Variants in KCNT1 observed in about 807,000 individuals in gnomAD.
KCNT1 encodes potassium channel subfamily T member 1.
In KCNT1, 78 loss-of-function variants were observed where a neutral mutation model predicts 147.8. The observed-to-expected ratio is 0.53, with a 90% CI of 0.44 to 0.64. KCNT1 has a LOEUF of 0.64. Ranked by LOEUF, KCNT1 falls within the 30% of genes least tolerant of loss-of-function variation. The pLI is 0.00. For missense variants in KCNT1, 1,419 were observed against 1,750.3 expected (o/e 0.81, Z 3.38); for synonymous variants, 867 against 748.8 (o/e 1.16, Z -2.58).
chr9:135,777,399 T>A lies in KCNT1; in HGVS notation c.2411T>A (p.Ile804Asn). The change falls in exon 21 of 31, where the codon ATC (isoleucine) becomes AAC (asparagine). Residue 804 changes from isoleucine to asparagine, a missense_variant. Around this residue, in one of 5 missense-constraint regions of KCNT1, gnomAD observed 247 missense variants for 397.1 expected, o/e 0.62. Transcript: ENST00000371757. ...KAYGFKNKLIIVSAETAGNGL... is the reference protein window; with the variant it reads ...KAYGFKNKLINVSAETAGNGL... ...TACGGGTTCAAGAACAAGCTGATCA[T>A]CGTCTCGGCAGAGACGGCCGGCAAT... is the stretch of plus-strand genomic sequence containing the variant. The A allele has an allele frequency of 6.2e-7, 1 of 1,614,070 alleles. No individual in the cohort carries two copies. Among genetic ancestry groups the A allele is most frequent in the Non-Finnish European group, 8.5e-7 (1 of 1,179,958 alleles).
At chr9:135,758,073 G>A (rs13290960) in intron 9 of KCNT1, among the ~76,000 whole-genome samples, 5 of 145,328 alleles carry the variant, frequency 3.4e-5, no homozygotes, top group South Asian at 2.3e-4. Context: ...GGGCCTCAGC[G>A]GAGACGCAGG....
At chr9:135,777,653 A>C in intron 21 of KCNT1, 143 bp downstream of exon 21, 1 of 763,750 alleles carries the variant, frequency 1.3e-6, no homozygotes, top group Non-Finnish European at 2.1e-6. Flanking sequence ...CAGCTTTCCT[A>C]AAAAGGGGGA....
At chr9:135,732,024 A>AGAGAGGGAGG (rs1554766188) in intron 2 of KCNT1, among the ~76,000 whole-genome samples, 5 of 65,082 alleles carry the variant, frequency 7.7e-5, no homozygotes, top group African/African-American at 1.6e-4. Flanking sequence ...AGAGAGAGAG[A>AGAGAGGGAGG]GAGAGAGAGA....
chr9:135,733,624 C>T (rs1830218682), intron 2 of KCNT1, among the ~76,000 whole-genome samples: 1 of 131,362 alleles, frequency 7.6e-6, no homozygotes, highest in Admixed American at 7.9e-5. Flanking sequence ...GCCCTCACAT[C>T]TGTAAATGTC....
chr9:135,704,102 C>T (rs985845267), intron 1 of KCNT1, among the ~76,000 whole-genome samples: 1 of 152,246 alleles, frequency 6.6e-6, no homozygotes. Flanking sequence ...AAAGAAGAAC[C>T]TTCGTGCTGC....
Position 135,702,313 on chromosome 9 carries a change from GGC to G in KCNT1, c.57_58del (p.Gly21LeufsTer9). 1.2e-6 allele frequency: 2 copies of G among 1,610,786 alleles called. No homozygotes were observed. Among genetic ancestry groups the G allele is most frequent in the Non-Finnish European group, 1.7e-6 (2 of 1,178,924 alleles). ...TPGGVCREAR[G>X]GGYTNRTFEF... Reference sequence around the variant, plus strand: ...GGGGGGCGTCTGCCGGGAGGCGCGCGGCGGGGGCTACACCAACCGGACCTTCG... The same window carrying G: ...GGGGGGCGTCTGCCGGGAGGCGCGCGGGGGGCTACACCAACCGGACCTTCG... On this transcript the variant is annotated frameshift_variant, in exon 1 of 31. Transcript: ENST00000371757. LOFTEE classifies it high-confidence loss of function.
intron 15 of KCNT1, 21 bp from the exon 16 acceptor site, chr9:135,769,926 G>A (rs574626375): frequency 8.1e-5 from 123 of 1,523,486 alleles, no homozygotes; most frequent in South Asian, 1.3e-4. Context: ...CAGGTGGACC[G>A]GCCTCCCCCA....
chr9:135,755,819 C>T (rs1831446233), intron 6 of KCNT1, among the ~76,000 whole-genome samples: 1 of 146,770 alleles, frequency 6.8e-6, no homozygotes, highest in Non-Finnish European at 1.5e-5. Flanking sequence ...ATGCTGAGGA[C>T]AAATCCAGGC....
intron 5 of KCNT1, among the ~76,000 whole-genome samples, chr9:135,754,791 C>A (rs1016311670): frequency 6.6e-6 from 1 of 152,194 alleles, no homozygotes; most frequent in African/African-American, 2.4e-5. Flanking sequence ...CCTGTCGTGT[C>A]CAGAGAGGAG....
intron 6 of KCNT1, 81 bp from the exon 7 acceptor site, chr9:135,756,792 C>T: frequency 1.8e-6 from 2 of 1,135,990 alleles, no homozygotes; most frequent in Non-Finnish European, 2.7e-6. Flanking sequence ...TTGTGTGGTA[C>T]CTGCCCGCGA....
intron 6 of KCNT1, among the ~76,000 whole-genome samples, chr9:135,755,418 CAGTG>C (rs999496167): frequency 8.0e-5 from 12 of 149,296 alleles, no homozygotes; most frequent in Non-Finnish European, 1.8e-4. Flanking sequence ...GACTCCAACT[CAGTG>C]AGCACTGAGG....
chr9:135,731,781 G>A (rs1053017539), intron 2 of KCNT1, among the ~76,000 whole-genome samples: 8 of 151,384 alleles, frequency 5.3e-5, no homozygotes, highest in East Asian at 3.9e-4. Context: ...CACCCCCTTC[G>A]TAGTGACTCA....
intron 1 of KCNT1, among the ~76,000 whole-genome samples, chr9:135,708,313 A>G (rs572239217): frequency 2.6e-5 from 4 of 152,328 alleles, no homozygotes; most frequent in Admixed American, 1.3e-4. Flanking sequence ...ATGCAATCCC[A>G]TCCACACATG....
At chr9:135,776,868 A>G (rs1299300827) in intron 20 of KCNT1, among the ~76,000 whole-genome samples, 4 of 152,188 alleles carry the variant, frequency 2.6e-5, no homozygotes, top group African/African-American at 7.2e-5. Flanking sequence ...CCAACCGGAG[A>G]TGTTCCAGCC....
chr9:135,792,512 G>C lies in KCNT1; in HGVS notation c.*351G>C, dbSNP rs962603821. On this transcript the variant is annotated 3_prime_UTR_variant, in exon 31 of 31. Coordinates refer to ENST00000371757, the MANE Select transcript of KCNT1 (RefSeq NM_020822.3). Reference sequence around the variant, plus strand: ...AGCCCAGGCTGTGCTGGAGGGTGGGGCTGGGGTGCATGGGGAGGGGAGCAG... The same window carrying C: ...AGCCCAGGCTGTGCTGGAGGGTGGGCCTGGGGTGCATGGGGAGGGGAGCAG... 3 of 209,954 alleles carry C rather than the reference G, an allele frequency of 1.4e-5. No individual in the cohort carries two copies. Among genetic ancestry groups the C allele is most frequent in the African/African-American group, 7.0e-5 (3 of 42,634 alleles). 13.0% of individuals were successfully genotyped at this position (209,954 alleles called of 1,614,324 possible). A position where few individuals can be genotyped will look rare whatever the true frequency, so the allele number is the denominator to read the frequency against.
intron 1 of KCNT1, among the ~76,000 whole-genome samples, chr9:135,703,755 C>T (rs533057111): frequency 6.8e-4 from 103 of 152,354 alleles, no homozygotes; most frequent in African/African-American, 1.9e-3. Flanking sequence ...CCCTGCTGGG[C>T]CTGACCTGCT....
intron 1 of KCNT1, among the ~76,000 whole-genome samples, chr9:135,705,746 G>A (rs921637418): frequency 1.3e-5 from 2 of 152,262 alleles, no homozygotes; most frequent in Non-Finnish European, 2.9e-5. Context: ...GCCAGGATGC[G>A]ATTGGCCCAG....
chr9:135,722,069 C>T (rs1835946920), intron 2 of KCNT1, among the ~76,000 whole-genome samples: 1 of 152,170 alleles, frequency 6.6e-6, no homozygotes, highest in South Asian at 2.1e-4. Context: ...GTGACCAGGG[C>T]CCATCACATG....
chr9:135,719,192 C>A (rs915386264), intron 2 of KCNT1, among the ~76,000 whole-genome samples: 1 of 152,202 alleles, frequency 6.6e-6, no homozygotes, highest in Non-Finnish European at 1.5e-5. Flanking sequence ...AAGAGTGTCC[C>A]GGAAGCCTAA....
Sources: gnomAD v4.1 joint callset for allele counts (sites outside exome capture counted in the v4.1 genomes callset) on GRCh38, gnomAD v4.1.1 for gene constraint, gnomAD v4.1.1 regional missense constraint, MANE v1.5 for transcripts, NCBI Gene and HGNC (gene_info 2026-07-23, HGNC 2026-07-21) for gene names.